TMPRSS9: variants seen among roughly 807,000 people sequenced by gnomAD.
TMPRSS9 encodes the protein transmembrane protease serine 9.
Under a neutral mutation model 111.4 loss-of-function variants are expected in TMPRSS9, and 113 were observed. The ratio of observed to expected loss-of-function variants is 1.01; its 90% CI spans 0.87 to 1.19. The LOEUF is 1.19. Among genes scored for constraint, TMPRSS9 ranks in the 50% most tolerant of loss-of-function variants. TMPRSS9 has a pLI of 0.00. For synonymous variants in TMPRSS9, 805 were observed against 659.1 expected (o/e 1.22, Z -3.39); for missense variants, 1,803 against 1,513.1 (o/e 1.19, Z -3.18).
At chr19:2,398,060 C>T (rs1295257949) in intron 2 of TMPRSS9, among the ~76,000 whole-genome samples, 1 of 150,534 alleles carries the variant, frequency 6.6e-6, no homozygotes, top group African/African-American at 2.4e-5. Context: ...ATTTGGGAGG[C>T]TGAGGTGGGC....
chr19:2,369,928 C>T (rs1473652738), intron 1 of TMPRSS9, among the ~76,000 whole-genome samples: 2 of 152,012 alleles, frequency 1.3e-5, no homozygotes, highest in Non-Finnish European at 2.9e-5. Context: ...CTGGGGATGC[C>T]CAAATGCAGT....
chr19:2,425,642 G>A (rs1437944344), intron 17 of TMPRSS9, 149 bp downstream of exon 18: 61 of 1,355,218 alleles, frequency 4.5e-5, no homozygotes, highest in Non-Finnish European at 5.6e-5. Context: ...GGCTCTGGAG[G>A]AATTTCCACT....
Position 2,374,248 on chromosome 19 carries a change from C to CTTTTTT in TMPRSS9, c.-26+13920_-26+13925dup, listed in dbSNP as rs1027376774. On this transcript the variant is annotated intron_variant, in intron 1 of 17. Coordinates refer to the TMPRSS9 transcript ENST00000649857. ...TTTCATGCTGATTTCTCTCAACAATCTTTTTTTTTTTTTTTTTTTTTTTTT... is the reference window on the plus strand; with the variant it reads ...TTTCATGCTGATTTCTCTCAACAATCTTTTTTTTTTTTTTTTTTTTTTTTTTTTTTT... Among the ~76,000 whole-genome samples, 7 of 70,398 alleles carry CTTTTTT rather than the reference C, an allele frequency of 9.9e-5. 1 individual carries two copies. The highest frequency in any genetic ancestry group is 4.3e-4 in the Admixed American group (2 of 4,640). The allele number at this position is 70,398 out of a possible 152,430, so 46.2% of individuals were successfully genotyped here.
chr19:2,411,709 G>A (rs946397244), intron 9 of TMPRSS9, among the ~76,000 whole-genome samples: 26 of 152,168 alleles, frequency 1.7e-4, no homozygotes, highest in African/African-American at 4.6e-4. Flanking sequence ...CCACCACCAC[G>A]CCTGGATAAT....
Position 2,391,517 on chromosome 19 carries a change from G to T in TMPRSS9, c.142+1590G>T, listed in dbSNP as rs536302566. ...CGTGTGAGTGTATTTGTGTGTTCAT[G>T]AGTGTGTGCATGGTGCACACGTGTT... On this transcript the variant is annotated intron_variant, in intron 1 of 17. Transcript: ENST00000648592. Among the ~76,000 whole-genome samples the T allele has an allele frequency of 1.4e-4, 21 of 151,940 alleles. 1 individual carries two copies. The South Asian group carries it at 4.4e-3, about 32-fold the overall frequency.
At chr19:2,383,145 G>A (rs1445746361) in intron 1 of TMPRSS9, among the ~76,000 whole-genome samples, 1 of 152,122 alleles carries the variant, frequency 6.6e-6, no homozygotes, top group African/African-American at 2.4e-5. Flanking sequence ...CCTGAGATCA[G>A]GAGTTCCACA....
At chr19:2,422,743 C>G (rs1176367771) in intron 14 of TMPRSS9, among the ~76,000 whole-genome samples, 1 of 152,240 alleles carries the variant, frequency 6.6e-6, no homozygotes, top group Non-Finnish European at 1.5e-5. Context: ...ATAAAAAAAG[C>G]CAGGCATGGT....
At chr19:2,374,418 A>G (rs1280694198) in intron 1 of TMPRSS9, among the ~76,000 whole-genome samples, 1 of 125,524 alleles carries the variant, frequency 8.0e-6, no homozygotes, top group Non-Finnish European at 1.6e-5. Flanking sequence ...ACTAAAAAAT[A>G]CAAAAATTAG....
At chr19:2,380,267 G>C (rs1048881201) in intron 1 of TMPRSS9, among the ~76,000 whole-genome samples, 5 of 150,920 alleles carry the variant, frequency 3.3e-5, no homozygotes, top group African/African-American at 1.2e-4. Context: ...CTGGGTCACA[G>C]AGTGAAACCC....
exon 10 of TMPRSS9, chr19:2,413,973 C>T: frequency 6.2e-7 from 1 of 1,609,666 alleles, no homozygotes; most frequent in East Asian, 2.2e-5. Context: ...GATGCAGGCC[C>T]TCAGTACCGT....
intron 1 of TMPRSS9, among the ~76,000 whole-genome samples, chr19:2,393,024 C>G (rs1335257370): frequency 6.6e-6 from 1 of 152,088 alleles, no homozygotes; most frequent in Non-Finnish European, 1.5e-5. Flanking sequence ...CAATCAGCAC[C>G]CTGTCAAAAC....
exon 18 of TMPRSS9, chr19:2,425,990 A>C: frequency 3.1e-6 from 5 of 1,607,136 alleles, no homozygotes; most frequent in Non-Finnish European, 3.4e-6. Context: ...AACTGGGGTC[A>C]CTAGCTGGGG....
Position 2,425,407 on chromosome 19 carries a change from C to T in TMPRSS9, c.3034C>T (p.Gln1012Ter). ...GGCGGCCGTGCGCCTCCTCAGCGAG[C>T]AGACCTGCCGCCGCTTCTACCCAGT... The change falls in exon 17 of 18, where the codon CAG (glutamine) becomes TAG (stop). Residue 1012 changes from glutamine to a stop codon, truncating the protein, a stop_gained. Coordinates refer to ENST00000648592, the Ensembl canonical transcript of TMPRSS9. LOFTEE classifies it high-confidence loss of function. 2 of 1,571,598 alleles carry T rather than the reference C, an allele frequency of 1.3e-6. No individual in the cohort carries two copies. Among genetic ancestry groups the T allele is most frequent in the South Asian group, 1.2e-5 (1 of 86,844 alleles).
upstream of TMPRSS9, among the ~76,000 whole-genome samples, chr19:2,386,995 A>G (rs1284110980): frequency 2.0e-5 from 3 of 151,756 alleles, no homozygotes. Flanking sequence ...CTGAGGAGGG[A>G]AGGTTGCCTG....
chr19:2,376,998 C>T (rs765971101), intron 1 of TMPRSS9, among the ~76,000 whole-genome samples: 8 of 151,978 alleles, frequency 5.3e-5, no homozygotes, highest in Non-Finnish European at 1.0e-4. Flanking sequence ...GCCCAGAACC[C>T]GAGAAACTGG....
intron 1 of TMPRSS9, among the ~76,000 whole-genome samples, chr19:2,371,005 G>A (rs1970285511): frequency 6.6e-6 from 1 of 152,066 alleles, no homozygotes; most frequent in African/African-American, 2.4e-5. Flanking sequence ...CTTGATGACC[G>A]AGGTTTTTGG....
At chr19:2,404,202 T>C (rs556229788) in intron 6 of TMPRSS9, among the ~76,000 whole-genome samples, 28 of 152,006 alleles carry the variant, frequency 1.8e-4, no homozygotes, top group Non-Finnish European at 3.7e-4. Context: ...GAGTAGCCAA[T>C]GTTTCTATAA....
chr19:2,386,808 A>T (rs996018160), upstream of TMPRSS9, among the ~76,000 whole-genome samples: 4 of 151,036 alleles, frequency 2.6e-5, no homozygotes, highest in African/African-American at 9.7e-5. Flanking sequence ...CCTGGCCAAT[A>T]TGGTGAAACC....
chr19:2,361,711 C>A (rs933624663), intron 1 of TMPRSS9, among the ~76,000 whole-genome samples: 12 of 152,286 alleles, frequency 7.9e-5, no homozygotes, highest in Admixed American at 2.6e-4. Context: ...GGACCTTCGA[C>A]TTCCTTCCGT....
Sources: gnomAD v4.1 joint callset for allele counts (sites outside exome capture counted in the v4.1 genomes callset) on GRCh38, gnomAD v4.1.1 for gene constraint, MANE v1.5 for transcripts, NCBI Gene and HGNC (gene_info 2026-07-23, HGNC 2026-07-21) for gene names.